Variants in ANKFN1 observed in about 807,000 individuals in gnomAD.
ANKFN1 encodes ankyrin repeat and fibronectin type-III domain-containing protein 1.
A neutral mutation model predicts 108.7 loss-of-function variants in ANKFN1; 74 were observed. The ratio of observed to expected loss-of-function variants is 0.68; its 90% confidence interval spans 0.56 to 0.83. The LOEUF (loss-of-function observed/expected upper bound fraction) is 0.83. ANKFN1 is among the 40% of genes least tolerant of loss of function. The probability of loss-of-function intolerance (pLI) is 0.00; values close to 1 mark genes in which losing one functional copy is unlikely to be tolerated. For synonymous variants in ANKFN1, 547 were observed against 516.2 expected (o/e 1.06, Z -0.81); for missense variants, 1,505 against 1,382.3 (o/e 1.09, Z -1.41).
chr17:56,347,400 A>G (rs1258349840), intron 4 of ANKFN1, among the ~76,000 whole-genome samples: 2 of 152,056 alleles, frequency 1.3e-5, no homozygotes, highest in African/African-American at 4.8e-5. Flanking sequence ...AAGAGTTTTG[A>G]TAAGTGTCTT....
chr17:56,418,203 C>A (rs2048297732), intron 8 of ANKFN1, among the ~76,000 whole-genome samples: 3 of 152,108 alleles, frequency 2.0e-5, no homozygotes, highest in South Asian at 4.1e-4. Context: ...AACTATTTGA[C>A]ACTGTGGTGA....
At chr17:56,312,297 A>G (rs749006403) in intron 3 of ANKFN1, among the ~76,000 whole-genome samples, 19 of 152,130 alleles carry the variant, frequency 1.2e-4, no homozygotes, top group Admixed American at 1.0e-3. Context: ...CTGGCTGCCA[A>G]TTCCCAGAGG....
chr17:56,158,622 A>C (rs908898529), intron 1 of ANKFN1, among the ~76,000 whole-genome samples: 7 of 152,208 alleles, frequency 4.6e-5, no homozygotes, highest in African/African-American at 1.7e-4. Flanking sequence ...TTGAGCAAGC[A>C]GATTCAAGGG....
intron 5 of ANKFN1, among the ~76,000 whole-genome samples, chr17:56,352,587 C>T (rs2046274658): frequency 1.3e-5 from 2 of 152,186 alleles, no homozygotes; most frequent in African/African-American, 2.4e-5. Context: ...CTTTTATTTA[C>T]TATTAATCCT....
At chr17:56,265,003 C>T (rs1567872426) in intron 3 of ANKFN1, among the ~76,000 whole-genome samples, 1 of 152,034 alleles carries the variant, frequency 6.6e-6, no homozygotes, top group African/African-American at 2.4e-5. Context: ...CTAAATTATA[C>T]CCACTCTGAA....
At chr17:56,350,995 C>T (rs1382895107) in intron 5 of ANKFN1, 28 bp downstream of exon 5, 1 of 1,601,590 alleles carries the variant, frequency 6.2e-7, no homozygotes, top group Admixed American at 1.7e-5. Context: ...ATTCTTGTGT[C>T]AGTTTGATTT....
intron 4 of ANKFN1, among the ~76,000 whole-genome samples, chr17:56,145,254 T>A (rs923937569): frequency 6.6e-6 from 1 of 152,208 alleles, no homozygotes; most frequent in Non-Finnish European, 1.5e-5. Context: ...CAGTGAGCTG[T>A]CAGACCAACA....
chr17:56,167,286 TAC>T (rs542831785), intron 1 of ANKFN1, among the ~76,000 whole-genome samples: 8 of 122,896 alleles, frequency 6.5e-5, no homozygotes, highest in Non-Finnish European at 1.0e-4. Flanking sequence ...TATATATATA[TAC>T]ACACACATAC....
At chr17:56,117,194 A>G (rs1906334246) in intron 4 of ANKFN1, among the ~76,000 whole-genome samples, 1 of 152,134 alleles carries the variant, frequency 6.6e-6, no homozygotes, top group South Asian at 2.1e-4. Context: ...TTTCATCACC[A>G]TGTCCCCAGA....
chr17:56,473,247 C>T (rs556518112), intron 15 of ANKFN1: 2 of 152,192 alleles, frequency 1.3e-5, no homozygotes, highest in Admixed American at 1.3e-4. Flanking sequence ...AAAGAAAAAA[C>T]AATCCATTTT....
At chr17:56,226,821 G>T (rs913726100) in intron 2 of ANKFN1, among the ~76,000 whole-genome samples, 2 of 152,032 alleles carry the variant, frequency 1.3e-5, no homozygotes, top group South Asian at 4.2e-4. Flanking sequence ...TCTGGTTCAC[G>T]CTGACATTAG....
chr17:56,114,307 G>A (rs1171272734), intron 4 of ANKFN1, among the ~76,000 whole-genome samples: 1 of 152,122 alleles, frequency 6.6e-6, no homozygotes, highest in Non-Finnish European at 1.5e-5. Flanking sequence ...GATAAAAATG[G>A]AACAAAGTGA....
intron 8 of ANKFN1, among the ~76,000 whole-genome samples, chr17:56,396,047 C>CA (rs201799240): frequency 4.0e-5 from 6 of 151,858 alleles, no homozygotes; most frequent in Non-Finnish European, 5.9e-5. Flanking sequence ...CAAAACAAAA[C>CA]AAAAAAAACA....
intron 3 of ANKFN1, among the ~76,000 whole-genome samples, chr17:56,260,112 C>T (rs1382410963): frequency 2.0e-5 from 3 of 152,168 alleles, no homozygotes; most frequent in Admixed American, 6.6e-5. Context: ...TAAGAATTAT[C>T]GTACCAAATT....
intron 11 of ANKFN1, among the ~76,000 whole-genome samples, chr17:56,454,442 T>C (rs1370862043): frequency 1.3e-5 from 2 of 152,220 alleles, no homozygotes; most frequent in African/African-American, 2.4e-5. Context: ...AGTTGGTCTT[T>C]GGTTTACTAA....
chr17:56,068,591 A>T (rs2143130375), intron 4 of ANKFN1, among the ~76,000 whole-genome samples: 1 of 152,326 alleles, frequency 6.6e-6, no homozygotes, highest in Non-Finnish European at 1.5e-5. Context: ...GTAGTGAAAG[A>T]TTTAGAGGGC....
intron 4 of ANKFN1, among the ~76,000 whole-genome samples, chr17:56,139,656 C>T (rs1030507506): frequency 1.3e-5 from 2 of 152,090 alleles, no homozygotes; most frequent in Non-Finnish European, 2.9e-5. Context: ...TCAAACTCAG[C>T]CTGAAGAAGT....
chr17:56,320,110 G>T (rs184582004), intron 3 of ANKFN1, among the ~76,000 whole-genome samples: 3 of 152,248 alleles, frequency 2.0e-5, no homozygotes, highest in African/African-American at 7.2e-5. Context: ...ACTTTGTAGA[G>T]TGTGAGAATT....
intron 15 of ANKFN1, among the ~76,000 whole-genome samples, chr17:56,467,633 C>T (rs1427130696): frequency 4.9e-5 from 7 of 144,288 alleles, no homozygotes; most frequent in Non-Finnish European, 9.0e-5. Flanking sequence ...GCCGAGATCA[C>T]GCTACTGCAC....
Sources: gnomAD v4.1 joint callset for allele counts (sites outside exome capture counted in the v4.1 genomes callset) on GRCh38, gnomAD v4.1.1 for gene constraint, MANE v1.5 for transcripts, NCBI Gene and HGNC (gene_info 2026-07-23, HGNC 2026-07-21) for gene names.